DHRSX: variants seen among roughly 807,000 people sequenced by gnomAD.
The protein encoded by DHRSX is polyprenol dehydrogenase.
Under a neutral mutation model 34.0 loss-of-function variants are expected in DHRSX, and 31 were observed. That is an observed-to-expected ratio of 0.91 (90% CI 0.69 to 1.23). The LOEUF is 1.23. Among genes scored for constraint, DHRSX ranks in the 50% most tolerant of loss-of-function variants. DHRSX has a pLI of 0.00. For missense variants in DHRSX, 414 were observed against 428.1 expected (o/e 0.97, Z 0.29); for synonymous variants, 201 against 183.8 (o/e 1.09, Z -0.76).
intron 1 of DHRSX, among the ~76,000 whole-genome samples, chrX:2,445,528 A>C (rs2044118973): frequency 1.3e-5 from 2 of 152,144 alleles, no homozygotes. Flanking sequence ...CCTGCGTTGA[A>C]ATCCTCACCC....
intron 3 of DHRSX, among the ~76,000 whole-genome samples, chrX:2,304,065 GTGGATGGA>G (rs1265587308): frequency 1.7e-5 from 1 of 59,168 alleles, no homozygotes; most frequent in African/African-American, 5.9e-5. Flanking sequence ...GGATGGATGG[GTGGATGGA>G]TGGATGGGTG....
At chrX:2,328,833 G>C (rs1051719547) in intron 3 of DHRSX, among the ~76,000 whole-genome samples, 4 of 152,118 alleles carry the variant, frequency 2.6e-5, no homozygotes, top group Admixed American at 2.6e-4. Context: ...GAGTACCCCA[G>C]CATCTTTAGG....
rs1391837424 is a variant in DHRSX, at chrX:2,225,348, GCA to G, written c.805-4121_805-4120del. ...TGCACGCACCCTCATTCACAAGTAC[GCA>G]CATACACATGCACACATGCTCACAC... On this transcript the variant is annotated intron_variant, in intron 6 of 6. Coordinates refer to ENST00000334651, the MANE Select transcript of DHRSX (RefSeq NM_145177.3). Among the ~76,000 whole-genome samples the G allele has an allele frequency of 3.5e-5, 5 of 142,652 alleles. 1 individual carries two copies. The highest frequency in any genetic ancestry group is 1.3e-4 in the African/African-American group (5 of 38,218). 93.6% of individuals were successfully genotyped at this position (142,652 alleles called of 152,430 possible). A position where few individuals can be genotyped will look rare whatever the true frequency, so the allele number is the denominator to read the frequency against.
intron 3 of DHRSX, among the ~76,000 whole-genome samples, chrX:2,322,738 A>C (rs2042327858): frequency 6.6e-6 from 1 of 151,682 alleles, no homozygotes; most frequent in Non-Finnish European, 1.5e-5. Flanking sequence ...TACAGTATAC[A>C]ATACATAAAA....
At chrX:2,290,418 A>C (rs1025430339) in intron 4 of DHRSX, among the ~76,000 whole-genome samples, 12 of 152,200 alleles carry the variant, frequency 7.9e-5, no homozygotes, top group African/African-American at 2.7e-4. Flanking sequence ...AATCTCCAGA[A>C]TTTATGAAAA....
intron 1 of DHRSX, chrX:2,489,155 G>A (rs758219512): frequency 1.6e-5 from 26 of 1,613,412 alleles, no homozygotes; most frequent in South Asian, 1.4e-4. Flanking sequence ...CTCGGGCACC[G>A]GGAAGATCTT....
At position 2,385,108 on chromosome X, in the gene DHRSX, A is replaced by ATGTGTGTGTGTGTG. The variant is rs1273797831; in HGVS notation, c.286+23636_286+23637insCACACACACACACA. Among the ~76,000 whole-genome samples the ATGTGTGTGTGTGTG allele has an allele frequency of 2.1e-3, 263 of 122,676 alleles. 1 individual carries two copies. The highest frequency in any genetic ancestry group is 0.013 in the South Asian group (45 of 3,380). The allele number at this position is 122,676 out of a possible 152,430, so 80.5% of individuals were successfully genotyped here. A position where few individuals can be genotyped will look rare whatever the true frequency, so the allele number is the denominator to read the frequency against. ...CAGAGTGAGACTCCATCTCAAATAT[A>ATGTGTGTGTGTGTG]TATGTGTGTGTGTGTGTGTGTGTGT... On this transcript the variant is annotated intron_variant, in intron 3 of 6. Coordinates refer to ENST00000334651, the MANE Select transcript of DHRSX (RefSeq NM_145177.3).
intron 5 of DHRSX, among the ~76,000 whole-genome samples, chrX:2,249,512 CCTT>C (rs2016383641): frequency 3.4e-5 from 4 of 116,830 alleles, no homozygotes; most frequent in Non-Finnish European, 7.0e-5. Flanking sequence ...CCTTTTTGTG[CCTT>C]TTTTTTTTTT....
At chrX:2,492,467 T>G (rs1188806344) in intron 1 of DHRSX, among the ~76,000 whole-genome samples, 2 of 149,850 alleles carry the variant, frequency 1.3e-5, no homozygotes. Flanking sequence ...GATTGAACAG[T>G]GGCCCGCAGA....
chrX:2,300,626 G>A (rs777826816), intron 3 of DHRSX, among the ~76,000 whole-genome samples: 6 of 152,258 alleles, frequency 3.9e-5, no homozygotes, highest in South Asian at 2.1e-4. Context: ...GCTTTCTCCC[G>A]TGCTGGATGC....
At chrX:2,390,718 G>C (rs760847057) in intron 3 of DHRSX, among the ~76,000 whole-genome samples, 7 of 152,304 alleles carry the variant, frequency 4.6e-5, no homozygotes, top group African/African-American at 1.7e-4. Flanking sequence ...TACCTCATAG[G>C]AGTGGAATCC....
At chrX:2,460,509 C>T (rs2044388187) in intron 1 of DHRSX, among the ~76,000 whole-genome samples, 1 of 151,932 alleles carries the variant, frequency 6.6e-6, no homozygotes, top group South Asian at 2.1e-4. Flanking sequence ...CCTCAGCCTC[C>T]TTGGGCTCAA....
chrX:2,343,661 C>T (rs1484033590), intron 3 of DHRSX, among the ~76,000 whole-genome samples: 2 of 152,216 alleles, frequency 1.3e-5, no homozygotes, highest in African/African-American at 4.8e-5. Flanking sequence ...ATATCAAAGG[C>T]TCTTCCTTGC....
intron 4 of DHRSX, among the ~76,000 whole-genome samples, chrX:2,274,407 GTATTT>G (rs1263726613): frequency 6.6e-6 from 1 of 151,218 alleles, no homozygotes; most frequent in Non-Finnish European, 1.5e-5. Flanking sequence ...CAGTGTGTCC[GTATTT>G]TATTTTTTAT....
At chrX:2,354,570 T>C (rs978822413) in intron 3 of DHRSX, among the ~76,000 whole-genome samples, 1 of 152,182 alleles carries the variant, frequency 6.6e-6, no homozygotes, top group African/African-American at 2.4e-5. Context: ...CACACCATTC[T>C]CCTGCCTCAG....
chrX:2,438,007 G>GCA (rs1295005981), intron 1 of DHRSX, among the ~76,000 whole-genome samples: 17 of 49,972 alleles, frequency 3.4e-4, no homozygotes, highest in Non-Finnish European at 4.5e-4. Flanking sequence ...ATAACCATGG[G>GCA]GAAAAAAAAA....
At chrX:2,242,934 G>C (rs2124426448) in intron 6 of DHRSX, 89 bp downstream of exon 6, 22 of 1,307,072 alleles carry the variant, frequency 1.7e-5, no homozygotes, top group Admixed American at 2.1e-5. Context: ...CGAGATCCAA[G>C]AACCCTCCCT....
intron 1 of DHRSX, among the ~76,000 whole-genome samples, chrX:2,467,349 C>T (rs28593687): frequency 0.17 from 26,484 of 151,956 alleles, 3,046 homozygotes; most frequent in African/African-American, 0.33. Context: ...CTGCAAAGCT[C>T]CGTGGCAGTT....
chrX:2,408,701 G>GAAAA, intron 3 of DHRSX, 44 bp downstream of exon 3: 3 of 1,342,592 alleles, frequency 2.2e-6, no homozygotes, highest in Non-Finnish European at 3.0e-6. Flanking sequence ...CTGTCCCAAG[G>GAAAA]AAAAAAAAAA....
Sources: gnomAD v4.1 joint callset for allele counts (sites outside exome capture counted in the v4.1 genomes callset) on GRCh38, gnomAD v4.1.1 for gene constraint, MANE v1.5 for transcripts, NCBI Gene and HGNC (gene_info 2026-07-23, HGNC 2026-07-21) for gene names.